Variants in BCAS3 observed in about 807,000 individuals in gnomAD.
BCAS3 encodes BCAS3 microtubule associated cell migration factor, also known as BCAS4/BCAS3 fusion.
A neutral mutation model predicts 116.1 loss-of-function variants in BCAS3; 53 were observed. The ratio of observed to expected loss-of-function variants is 0.46; its 90% CI spans 0.37 to 0.57. The LOEUF (loss-of-function observed/expected upper bound fraction) is 0.57, where lower values mean the gene tolerates loss of function less well. Among genes scored for constraint, BCAS3 ranks in the 20% least tolerant of loss-of-function variants. The pLI is 0.00. For missense variants in BCAS3, 917 were observed against 1,165.4 expected (o/e 0.79, Z 3.10); for synonymous variants, 391 against 408.2 (o/e 0.96, Z 0.51).
rs544541776 is a variant in BCAS3, at chr17:61,327,904, T to C, written c.2426-40423T>C. On this transcript the variant is annotated intron_variant, in intron 22 of 23. Transcript: ENST00000407086. The surrounding 1 kb of genome is among the most constrained non-coding windows in gnomAD (Gnocchi z 5.9). ...GTTTGCAATGGTTGATCAGACACTG[T>C]TGGTGTAAATTGGTGCACCCTTTTT... Among the ~76,000 whole-genome samples, 1 of 152,352 alleles carries C rather than the reference T, an allele frequency of 6.6e-6. No individual in the cohort carries two copies. Among genetic ancestry groups the C allele is most frequent in the East Asian group, 1.9e-4 (1 of 5,188 alleles).
rs972685018 is a variant in BCAS3 at position 61,279,904 on chromosome 17, T to C, written c.2426-88423T>C. Among the ~76,000 whole-genome samples the C allele has an allele frequency of 6.6e-6, 1 of 152,150 alleles. No individual in the cohort carries two copies. The highest frequency in any genetic ancestry group is 1.5e-5 in the Non-Finnish European group (1 of 68,012). On this transcript the variant is annotated intron_variant, in intron 22 of 23. Transcript: ENST00000407086. The surrounding 1 kb of genome is among the most constrained non-coding windows in gnomAD (Gnocchi z 4.4). ...TTGGCTCACTTTTTCTCCCTCTCCA[T>C]GTCTCTACATCTTTCTTTTCTCTCA...
chr17:60,840,061 A>G (rs1332218394), intron 7 of BCAS3, among the ~76,000 whole-genome samples: 2 of 152,084 alleles, frequency 1.3e-5, no homozygotes, highest in Non-Finnish European at 2.9e-5. Flanking sequence ...AAAACCCTCT[A>G]TTTTGAAAAC....
intron 22 of BCAS3, among the ~76,000 whole-genome samples, chr17:61,311,048 C>T (rs1242552375): frequency 1.3e-5 from 2 of 152,160 alleles, no homozygotes; most frequent in Non-Finnish European, 2.9e-5. Flanking sequence ...ATACCTACAT[C>T]CTCGGGTTCC....
rs757513176 is a variant in BCAS3 at position 60,902,715 on chromosome 17, C to T, written c.822+12C>T. On this transcript the variant is annotated intron_variant, in intron 11 of 23. Transcript: ENST00000407086. ...TTAGTGCTGCTAAAGTGAGTACCTC[C>T]GAAATCTTGGAGAGTTGTGGTTATG... is the stretch of plus-strand genomic sequence containing the variant. 3.4e-5 allele frequency: 54 copies of T among 1,576,952 alleles called. No homozygotes were observed. The highest frequency in any genetic ancestry group is 1.7e-4 in the Middle Eastern group (1 of 6,004).
At position 61,211,248 on chromosome 17, in the gene BCAS3, G is replaced by C. The variant is rs186723215; in HGVS notation, c.2425+126684G>C. Reference sequence around the variant, plus strand: ...CAGTAATCATTGTCTGGTGTGTTCAGATGATAATCCAGTTGGCCACCAAGG... The same window carrying C: ...CAGTAATCATTGTCTGGTGTGTTCACATGATAATCCAGTTGGCCACCAAGG... On this transcript the variant is annotated intron_variant, in intron 22 of 23. Transcript: ENST00000407086. This position sits in a 1 kb window ranked among gnomAD's most constrained non-coding sequence, Gnocchi z 4.4. Among the ~76,000 whole-genome samples the C allele has an allele frequency of 2.0e-5, 3 of 152,334 alleles. No individual in the cohort carries two copies. The highest frequency in any genetic ancestry group is 1.3e-4 in the Admixed American group (2 of 15,304).
chr17:61,062,952 A>C, intron 19 of BCAS3, among the ~76,000 whole-genome samples: 1 of 152,216 alleles, frequency 6.6e-6, no homozygotes, highest in Non-Finnish European at 1.5e-5. Context: ...GGGAGGAATG[A>C]GCAAGAATAT....
chr17:60,893,491 G>A (rs138834386), intron 10 of BCAS3, among the ~76,000 whole-genome samples: 9 of 151,866 alleles, frequency 5.9e-5, no homozygotes, highest in African/African-American at 2.2e-4. Flanking sequence ...TATTGAATAG[G>A]GTGTCCCTTC....
rs544682481 is a variant in BCAS3, at chr17:61,229,341, G to A, written c.2426-138986G>A. ...AGAAGCTATTTGCATAATATAAAAGGGCAAGATGAAGCAGCAAGTGCTGAT... is the reference window on the plus strand; with the variant it reads ...AGAAGCTATTTGCATAATATAAAAGAGCAAGATGAAGCAGCAAGTGCTGAT... On this transcript the variant is annotated intron_variant, in intron 22 of 23. Coordinates refer to ENST00000407086, the MANE Select transcript of BCAS3 (RefSeq NM_017679.5). The surrounding 1 kb of genome is among the most constrained non-coding windows in gnomAD (Gnocchi z 4.4). Among the ~76,000 whole-genome samples the A allele has an allele frequency of 2.0e-5, 3 of 152,314 alleles. No individual in the cohort carries two copies. The South Asian group carries it at 6.2e-4, about 32-fold the overall frequency.
In BCAS3 at chr17:60,808,020, TA is replaced by T; in HGVS notation, c.422del (p.Asn141ThrfsTer59). ...TCCTGTCAGGTGCTCAAAAATGTGA[TA>T]ACTTTGCTGAAAAAAGACCCCTCCT... The part of the protein sequence containing the change: ...APQFGAQKCD[N>X]FAEKRPLLGV... On this transcript the variant is annotated frameshift_variant, in exon 7 of 24. Coordinates refer to ENST00000407086, the MANE Select transcript of BCAS3 (RefSeq NM_017679.5). LOFTEE classifies it high-confidence loss of function. The T allele has an allele frequency of 6.2e-7, 1 of 1,608,530 alleles. No homozygotes were observed. The highest frequency in any genetic ancestry group is 8.5e-7 in the Non-Finnish European group (1 of 1,176,448).
intron 22 of BCAS3, among the ~76,000 whole-genome samples, chr17:61,274,000 G>T (rs1277328730): frequency 1.3e-5 from 2 of 149,232 alleles, no homozygotes; most frequent in Admixed American, 1.3e-4. Context: ...GGGTACATGT[G>T]CACAACGTGC....
At chr17:61,089,564 G>A in intron 22 of BCAS3, among the ~76,000 whole-genome samples, 1 of 109,564 alleles carries the variant, frequency 9.1e-6, no homozygotes, top group Non-Finnish European at 1.7e-5. Flanking sequence ...GAGTCTCGCT[G>A]TGTCACCCAG....
In BCAS3 at chr17:61,217,730, T is replaced by C. The variant is rs1259858560; in HGVS notation, c.2425+133166T>C. Reference sequence around the variant, plus strand: ...TAGTTGATTTTCTTGAGAAACATTATTCTTGATCCCGTAACATCCCACACT... The same window carrying C: ...TAGTTGATTTTCTTGAGAAACATTACTCTTGATCCCGTAACATCCCACACT... On this transcript the variant is annotated intron_variant, in intron 22 of 23. Transcript: ENST00000407086. The surrounding 1 kb of genome is among the most constrained non-coding windows in gnomAD (Gnocchi z 5.2). Among the ~76,000 whole-genome samples the C allele has an allele frequency of 1.3e-5, 2 of 152,250 alleles. No individual in the cohort carries two copies. The highest frequency in any genetic ancestry group is 4.8e-5 in the African/African-American group (2 of 41,464).
At chr17:61,101,229 C>A (rs2074309461) in intron 22 of BCAS3, among the ~76,000 whole-genome samples, 1 of 152,096 alleles carries the variant, frequency 6.6e-6, no homozygotes, top group African/African-American at 2.4e-5. Context: ...CCTAACTATA[C>A]CTGCATCTCA....
intron 15 of BCAS3, among the ~76,000 whole-genome samples, chr17:61,011,955 A>AT (rs1309212596): frequency 1.3e-5 from 2 of 152,100 alleles, no homozygotes; most frequent in East Asian, 3.9e-4. Context: ...TTCTGATGTT[A>AT]TTTATACATT....
intron 19 of BCAS3, chr17:61,069,898 C>T (rs1482435269): frequency 7.5e-7 from 1 of 1,339,706 alleles, no homozygotes; most frequent in African/African-American, 1.4e-5. Flanking sequence ...GAAGGAAGCT[C>T]CTGCCCCTCC....
At chr17:60,808,256 G>A (rs1300739533) in intron 7 of BCAS3, among the ~76,000 whole-genome samples, 180 bp downstream of exon 7, 2 of 152,162 alleles carry the variant, frequency 1.3e-5, no homozygotes, top group Non-Finnish European at 2.9e-5. Context: ...TGATGCTATA[G>A]CATGTGCCTG....
rs919827194 is a variant in BCAS3, at chr17:61,130,742, C to T, written c.2425+46178C>T. 6.6e-6 allele frequency: 1 copy of T among 152,272 alleles called. No individual in the cohort carries two copies. Among genetic ancestry groups the T allele is most frequent in the African/African-American group, 2.4e-5 (1 of 41,446 alleles). 9.4% of individuals were successfully genotyped at this position (152,272 alleles called of 1,614,324 possible). On this transcript the variant is annotated intron_variant, in intron 22 of 23. Transcript: ENST00000407086. This position sits in a 1 kb window ranked among gnomAD's most constrained non-coding sequence, Gnocchi z 5.0. ...TGGGCTCCAACCAGTTCTGTTCTAG[C>T]TCCTGAAGTCAGCGTCAAGAAATAT...
chr17:61,083,237 C>A lies in BCAS3; in HGVS notation c.2328-1230C>A, dbSNP rs574723937. Reference sequence around the variant, plus strand: ...GATGTGGACCCTGCATGTATTCCCCCATCTCCTCAATCTGAGCTTTTACTA... The same window carrying A: ...GATGTGGACCCTGCATGTATTCCCCAATCTCCTCAATCTGAGCTTTTACTA... On this transcript the variant is annotated intron_variant, in intron 21 of 23. Transcript: ENST00000407086. The surrounding 1 kb of genome is among the most constrained non-coding windows in gnomAD (Gnocchi z 4.9). Among the ~76,000 whole-genome samples the A allele has an allele frequency of 6.6e-6, 1 of 152,330 alleles. No homozygotes were observed. Among genetic ancestry groups the A allele is most frequent in the African/African-American group, 2.4e-5 (1 of 41,576 alleles).
rs1252752909 is a variant in BCAS3, at chr17:61,337,321, G to A, written c.2426-31006G>A. 6.6e-6 allele frequency among the ~76,000 whole-genome samples: 1 copy of A among 152,104 alleles called. No homozygotes were observed. The highest frequency in any genetic ancestry group is 1.5e-5 in the Non-Finnish European group (1 of 68,006). Reference sequence around the variant, plus strand: ...GCACTGGTGTTCCTGGCTAATGTGGGGTCTGTGATTCAGTGTTCTCCCAGG... The same window carrying A: ...GCACTGGTGTTCCTGGCTAATGTGGAGTCTGTGATTCAGTGTTCTCCCAGG... On this transcript the variant is annotated intron_variant, in intron 22 of 23. Coordinates refer to ENST00000407086, the MANE Select transcript of BCAS3 (RefSeq NM_017679.5). The surrounding 1 kb of genome is among the most constrained non-coding windows in gnomAD (Gnocchi z 4.8).
Sources: gnomAD v4.1 joint callset for allele counts (sites outside exome capture counted in the v4.1 genomes callset) on GRCh38, gnomAD v4.1.1 for gene constraint, Gnocchi (gnomAD v3.1) non-coding constraint, MANE v1.5 for transcripts, NCBI Gene and HGNC (gene_info 2026-07-23, HGNC 2026-07-21) for gene names.